The following SAR1B variants were observed in gnomAD, a reference collection of about 807,000 sequenced individuals.
SAR1B encodes small COPII coat GTPase SAR1B.
In SAR1B, 23 loss-of-function variants were observed where a neutral mutation model predicts 26.8. The observed-to-expected ratio is 0.86, with a 90% CI of 0.62 to 1.22. SAR1B has a LOEUF of 1.22. Among genes scored for constraint, SAR1B ranks in the 50% most tolerant of loss-of-function variants. The pLI, the probability that SAR1B is intolerant of heterozygous loss-of-function variation, is 0.00. For synonymous variants in SAR1B, 65 were observed against 80.8 expected, an observed-to-expected ratio of 0.80 and a Z score of 1.05; for missense variants, 196 against 232.8, an observed-to-expected ratio of 0.84 and a Z score of 1.03.
intron 1 of SAR1B, among the ~76,000 whole-genome samples, chr5:134,624,592 A>T (rs971633563): frequency 4.6e-5 from 7 of 151,660 alleles, no homozygotes; most frequent in Admixed American, 2.6e-4. Flanking sequence ...AAAATCGTTT[A>T]AAAAAATGTT....
intron 1 of SAR1B, among the ~76,000 whole-genome samples, chr5:134,628,774 C>A (rs1448938837): frequency 6.6e-6 from 1 of 152,098 alleles, no homozygotes; most frequent in Non-Finnish European, 1.5e-5. Context: ...CTGCCTCAGC[C>A]TCCCAAGTAG....
intron 6 of SAR1B, 151 bp from the exon 7 acceptor site, chr5:134,607,217 C>T (rs546310147): frequency 2.9e-6 from 2 of 682,622 alleles, no homozygotes; most frequent in East Asian, 2.7e-5. Context: ...ATCCAAGCCC[C>T]ATGAACACAC....
intron 1 of SAR1B, among the ~76,000 whole-genome samples, chr5:134,626,093 G>A (rs544376827): frequency 2.8e-4 from 42 of 152,032 alleles, no homozygotes; most frequent in African/African-American, 9.4e-4. Context: ...GAGGTCAGGA[G>A]TTCAAGATCA....
chr5:134,618,989 C>T (rs1765359586), intron 3 of SAR1B, among the ~76,000 whole-genome samples: 1 of 145,782 alleles, frequency 6.9e-6, no homozygotes, highest in African/African-American at 2.6e-5. Context: ...CAGAGTGAGA[C>T]TCTGTCTCAA....
intron 6 of SAR1B, 60 bp downstream of exon 6, chr5:134,608,312 A>G: frequency 6.8e-7 from 1 of 1,477,956 alleles, no homozygotes. Flanking sequence ...ATAGTAATTT[A>G]AGAAGACATT....
At chr5:134,623,441 G>GAAAC (rs552374944) in intron 2 of SAR1B, among the ~76,000 whole-genome samples, 114 of 131,884 alleles carry the variant, frequency 8.6e-4, no homozygotes, top group African/African-American at 3.0e-3. Context: ...CTCCATCTCA[G>GAAAC]AAACAAACAA....
In SAR1B at chr5:134,612,668, AAAAAAAAAAAAAAGAAT is replaced by A; in HGVS notation, c.244+6_244+22del. On this transcript the variant is annotated splice_donor_region_variant and intron_variant, in intron 4 of 6. Coordinates refer to ENST00000402673, the MANE Select transcript of SAR1B (RefSeq NM_016103.4). ...AAAAAAAAAAAAAAAAAAAAAAAAA[AAAAAAAAAAAAAAGAAT>A]CTTACCTTGAACATGTCCACCCAGA... The A allele has an allele frequency of 7.9e-7, 1 of 1,262,572 alleles. No homozygotes were observed. The highest frequency in any genetic ancestry group is 1.1e-6 in the Non-Finnish European group (1 of 952,122). 78.2% of individuals were successfully genotyped at this position (1,262,572 alleles called of 1,614,324 possible). A position where few individuals can be genotyped will look rare whatever the true frequency, so the allele number is the denominator to read the frequency against.
chr5:134,609,603 C>A lies in SAR1B; in HGVS notation c.316G>T (p.Glu106Ter), dbSNP rs199832846. The A allele has an allele frequency of 6.2e-7, 1 of 1,614,088 alleles. No homozygotes were observed. The highest frequency in any genetic ancestry group is 2.2e-5 in the East Asian group (1 of 44,878). ...IVFLVDCADH[E>*]RLLESKEELD... is the part of the protein sequence containing the mutation. ...TCTTCTTTTGACTCTAACAGCCTTTCGTGGTCTGCACAATCCACCAGAAAT... is the reference window on the plus strand; with the variant it reads ...TCTTCTTTTGACTCTAACAGCCTTTAGTGGTCTGCACAATCCACCAGAAAT... Residue 106 changes from glutamate (E) to a stop codon, truncating the protein, a stop_gained, in exon 5 of 7, where the codon GAA becomes TAA. Coordinates refer to ENST00000402673, the MANE Select transcript of SAR1B (RefSeq NM_016103.4). LOFTEE classifies it high-confidence loss of function.
chr5:134,611,192 A>T (rs967970168), intron 4 of SAR1B, among the ~76,000 whole-genome samples: 5 of 152,290 alleles, frequency 3.3e-5, no homozygotes, highest in African/African-American at 1.2e-4. Context: ...ACAACATAGA[A>T]ATGAAGTCTC....
chr5:134,620,759 C>T (rs1291968043), intron 3 of SAR1B, among the ~76,000 whole-genome samples, 174 bp downstream of exon 3: 4 of 152,128 alleles, frequency 2.6e-5, no homozygotes, highest in Non-Finnish European at 5.9e-5. Context: ...ACTTGGGAGA[C>T]GGGAGGATGG....
At chr5:134,617,997 G>C (rs1270191523) in intron 3 of SAR1B, among the ~76,000 whole-genome samples, 1 of 151,416 alleles carries the variant, frequency 6.6e-6, no homozygotes, top group East Asian at 2.0e-4. Flanking sequence ...TACTTGCCAA[G>C]CCCCACTTTT....
Position 134,606,529 on chromosome 5 carries a change from T to G in SAR1B, c.*421A>C, listed in dbSNP as rs1580644762. 5.1e-6 allele frequency: 1 copy of G among 195,734 alleles called. No individual in the cohort carries two copies. Among genetic ancestry groups the G allele is most frequent in the East Asian group, 1.3e-4 (1 of 7,992 alleles). The allele number at this position is 195,734 out of a possible 1,614,324, so 12.1% of individuals were successfully genotyped here. ...TGCAATCATTGAATAAGCTAATTAT[T>G]AACTGTACACTTAAGATAGGTGGAC... is the stretch of plus-strand genomic sequence containing the variant. On this transcript the variant is annotated 3_prime_UTR_variant, in exon 7 of 7. Coordinates refer to ENST00000402673, the MANE Select transcript of SAR1B (RefSeq NM_016103.4).
chr5:134,608,224 T>G (rs1298350713), intron 6 of SAR1B, 148 bp downstream of exon 6: 13 of 799,770 alleles, frequency 1.6e-5, no homozygotes, highest in Non-Finnish European at 2.6e-5. Context: ...TAGAAAGAAA[T>G]GAGGACATTA....
intron 1 of SAR1B, among the ~76,000 whole-genome samples, chr5:134,629,927 T>C (rs1379101841): frequency 2.7e-5 from 4 of 149,376 alleles, no homozygotes; most frequent in Non-Finnish European, 5.9e-5. Context: ...AAACGAAGGA[T>C]AAAACCATGA....
chr5:134,611,919 T>C (rs2150050920), intron 4 of SAR1B, among the ~76,000 whole-genome samples: 1 of 152,140 alleles, frequency 6.6e-6, no homozygotes, highest in African/African-American at 2.4e-5. Flanking sequence ...ATCCCAACTT[T>C]TGGGAGACTG....
Position 134,612,680 on chromosome 5 carries a change from A to AAAT in SAR1B, c.244+10_244+11insATT. On this transcript the variant is annotated intron_variant, in intron 4 of 6. Coordinates refer to ENST00000402673, the MANE Select transcript of SAR1B (RefSeq NM_016103.4). ...AAAAAAAAAAAAAAAAAAAAAAAAAAAGAATCTTACCTTGAACATGTCCAC... is the reference window on the plus strand; with the variant it reads ...AAAAAAAAAAAAAAAAAAAAAAAAAAAATAGAATCTTACCTTGAACATGTCCAC... 1.9e-6 allele frequency: 2 copies of AAAT among 1,043,434 alleles called. No individual in the cohort carries two copies. The highest frequency in any genetic ancestry group is 2.6e-6 in the Non-Finnish European group (2 of 760,638). 64.6% of individuals were successfully genotyped at this position (1,043,434 alleles called of 1,614,324 possible).
At position 134,605,659 on chromosome 5, in the gene SAR1B, C is replaced by CAAAA. The variant is rs1026047463; in HGVS notation, c.*1287_*1290dup. ...GTCTCTAAAACAAAATGAAACAGAG[C>CAAAA]AAAAAAAAAAAAAAAAAAAAAGCCC... On this transcript the variant is annotated 3_prime_UTR_variant, in exon 7 of 7. Transcript: ENST00000402673. 2 of 35,014 alleles carry CAAAA rather than the reference C, an allele frequency of 5.7e-5. No homozygotes were observed. The highest frequency in any genetic ancestry group is 1.0e-4 in the African/African-American group (1 of 9,576). 2.2% of individuals were successfully genotyped at this position (35,014 alleles called of 1,614,324 possible).
chr5:134,617,241 A>T (rs6895617), intron 3 of SAR1B, among the ~76,000 whole-genome samples: 2,227 of 152,266 alleles, frequency 0.015, 33 homozygotes, highest in African/African-American at 0.037. Flanking sequence ...CAAAAAAAAA[A>T]AATAATAATA....
chr5:134,612,965 G>A, intron 3 of SAR1B: 1 of 557,134 alleles, frequency 1.8e-6, no homozygotes, highest in Non-Finnish European at 3.2e-6. Flanking sequence ...TGTACTTTAT[G>A]TTCTTAGCTC....
Sources: gnomAD v4.1 joint callset for allele counts (sites outside exome capture counted in the v4.1 genomes callset) on GRCh38, gnomAD v4.1.1 for gene constraint, MANE v1.5 for transcripts, NCBI Gene and HGNC (gene_info 2026-07-23, HGNC 2026-07-21) for gene names.